Variants in EYA4 observed in about 807,000 individuals in gnomAD.
EYA4 encodes the protein protein phosphatase EYA4.
A neutral mutation model predicts 87.9 loss-of-function variants in EYA4; 31 were observed. The ratio of observed to expected loss-of-function variants is 0.35; its 90% CI spans 0.27 to 0.48. EYA4 has a LOEUF of 0.48. Ranked by LOEUF, EYA4 falls within the 20% of genes least tolerant of loss-of-function variation. EYA4 has a pLI of 0.99. For synonymous variants in EYA4, 263 were observed against 270.6 expected (o/e 0.97, Z 0.28); for missense variants, 678 against 761.4 (o/e 0.89, Z 1.29).
rs370851229 is a variant in EYA4, at chr6:133,456,665, G to A, written c.370+17G>A. The A allele has an allele frequency of 7.5e-5, 114 of 1,524,090 alleles. No individual in the cohort carries two copies. The highest frequency in any genetic ancestry group is 9.4e-5 in the Non-Finnish European group (103 of 1,098,140). 94.4% of individuals were successfully genotyped at this position (1,524,090 alleles called of 1,614,324 possible). On this transcript the variant is annotated intron_variant, in intron 6 of 19. Transcript: ENST00000355286. ...CTGGGTCAGGTAAAGCCTTTAGCTC[G>A]TGTGTCCTTACGTACACATGGGGGT...
intron 1 of EYA4, among the ~76,000 whole-genome samples, chr6:133,256,097 T>G (rs775946556): frequency 3.3e-5 from 5 of 151,718 alleles, no homozygotes; most frequent in Admixed American, 2.0e-4. Flanking sequence ...TGTGCTCTGG[T>G]TAAGAAAAAT....
In EYA4 at chr6:133,266,281, C is replaced by T. The variant is rs148421194; in HGVS notation, c.-65-8435C>T. 6.4e-4 allele frequency among the ~76,000 whole-genome samples: 97 copies of T among 152,198 alleles called. 2 individuals carry two copies. In the East Asian group the frequency reaches 0.012, roughly 19 times the overall value. ...AAAGAATGCCATGTAACGTTAGGCA[C>T]GGAGAACATCATGTGACAATGAAGG... On this transcript the variant is annotated intron_variant, in intron 1 of 19. Transcript: ENST00000355286.
chr6:133,297,921 A>G (rs1167424217), intron 2 of EYA4, among the ~76,000 whole-genome samples: 1 of 152,200 alleles, frequency 6.6e-6, no homozygotes, highest in African/African-American at 2.4e-5. Context: ...CCATTCACTC[A>G]GTGGTTTTAG....
At chr6:133,291,791 T>G (rs931509834) in intron 2 of EYA4, among the ~76,000 whole-genome samples, 1 of 152,170 alleles carries the variant, frequency 6.6e-6, no homozygotes, top group African/African-American at 2.4e-5. Context: ...ACTGACTGCT[T>G]CCCCTTTCTT....
chr6:133,506,549 A>G (rs1031938153), intron 14 of EYA4, among the ~76,000 whole-genome samples: 8 of 152,198 alleles, frequency 5.3e-5, no homozygotes, highest in African/African-American at 1.7e-4. Flanking sequence ...ATATTCACAG[A>G]CACTATTCAT....
At chr6:133,294,354 G>T (rs5025270) in intron 2 of EYA4, among the ~76,000 whole-genome samples, 23,517 of 144,420 alleles carry the variant, frequency 0.16, 1,946 homozygotes, top group Non-Finnish European at 0.18. Flanking sequence ...TTTTTTTTTT[G>T]TTTTGTTTTT....
chr6:133,308,703 G>C (rs779786828), intron 2 of EYA4, among the ~76,000 whole-genome samples: 2 of 152,140 alleles, frequency 1.3e-5, no homozygotes, highest in Non-Finnish European at 2.9e-5. Flanking sequence ...TTAGGATTAT[G>C]GCCTCCAGCC....
At chr6:133,505,620 C>T (rs1798532707) in intron 13 of EYA4, among the ~76,000 whole-genome samples, 3 of 152,138 alleles carry the variant, frequency 2.0e-5, no homozygotes, top group South Asian at 2.1e-4. Flanking sequence ...CCTGTTTCAC[C>T]TCCAGATAAC....
At chr6:133,422,891 G>A (rs1790337814) in intron 3 of EYA4, among the ~76,000 whole-genome samples, 1 of 152,150 alleles carries the variant, frequency 6.6e-6, no homozygotes, top group Admixed American at 6.5e-5. Context: ...CCTGCTGAGT[G>A]TATGCAGCTT....
rs1377110035 is a variant in EYA4, at chr6:133,493,013, A to G, written c.1191+9898A>G. ...GACTAGAAGAATCAATATTGTTAAA[A>G]TGTCCGTTTTACCTGAAGCAATCTA... On this transcript the variant is annotated intron_variant, in intron 13 of 19. Transcript: ENST00000355286. Among the ~76,000 whole-genome samples the G allele has an allele frequency of 2.6e-5, 4 of 152,200 alleles. No individual in the cohort carries two copies. The East Asian group carries it at 5.8e-4, about 22-fold the overall frequency.
chr6:133,367,228 T>C (rs1241550806), intron 2 of EYA4, among the ~76,000 whole-genome samples: 1 of 152,072 alleles, frequency 6.6e-6, no homozygotes, highest in African/African-American at 2.4e-5. Flanking sequence ...ATCTCAGACT[T>C]TTTGTGATTC....
At chr6:133,287,889 C>A (rs1778190306) in intron 2 of EYA4, among the ~76,000 whole-genome samples, 1 of 152,050 alleles carries the variant, frequency 6.6e-6, no homozygotes, top group Admixed American at 6.6e-5. Context: ...AATCCCAGCA[C>A]TTTGGGAGGC....
intron 3 of EYA4, among the ~76,000 whole-genome samples, chr6:133,419,115 A>G (rs1424152949): frequency 6.6e-6 from 1 of 152,102 alleles, no homozygotes; most frequent in Admixed American, 6.5e-5. Flanking sequence ...TTTTGTTTCG[A>G]TAGGTATAGG....
At chr6:133,451,955 AT>A (rs1323768797) in intron 5 of EYA4, among the ~76,000 whole-genome samples, 5 of 134,538 alleles carry the variant, frequency 3.7e-5, no homozygotes, top group Non-Finnish European at 5.0e-5. Context: ...TCTTTTGTAG[AT>A]TTTTTTTTAG....
intron 3 of EYA4, among the ~76,000 whole-genome samples, chr6:133,403,055 A>G (rs1220473954): frequency 1.3e-5 from 2 of 152,154 alleles, no homozygotes; most frequent in Non-Finnish European, 2.9e-5. Context: ...AATTAGCTAT[A>G]ACTAAAACAC....
Position 133,529,987 on chromosome 6 carries a change from G to T in EYA4, c.*1182G>T. The T allele has an allele frequency of 1.0e-6, 1 of 985,392 alleles. No individual in the cohort carries two copies. Among genetic ancestry groups the T allele is most frequent in the African/African-American group, 1.7e-5 (1 of 57,344 alleles). 61.0% of individuals were successfully genotyped at this position (985,392 alleles called of 1,614,324 possible). A position where few individuals can be genotyped will look rare whatever the true frequency, so the allele number is the denominator to read the frequency against. ...ACATGGCATAAAATTCACATTGAGT[G>T]CACAGGGCTTAAAATAAAGCTAAGT... On this transcript the variant is annotated 3_prime_UTR_variant, in exon 20 of 20. Coordinates refer to ENST00000355286, the MANE Select transcript of EYA4 (RefSeq NM_004100.5).
At chr6:133,437,939 A>G (rs905767688) in intron 3 of EYA4, among the ~76,000 whole-genome samples, 1 of 152,212 alleles carries the variant, frequency 6.6e-6, no homozygotes, top group African/African-American at 2.4e-5. Context: ...GGGGACACAA[A>G]GCCTAAACCA....
intron 19 of EYA4, among the ~76,000 whole-genome samples, chr6:133,527,767 C>T (rs183419854): frequency 4.0e-4 from 61 of 152,172 alleles, no homozygotes; most frequent in Admixed American, 3.0e-3. Context: ...ATATCTTTTG[C>T]ATGTTTTATA....
At chr6:133,296,199 A>T (rs1000883528) in intron 2 of EYA4, among the ~76,000 whole-genome samples, 1 of 152,194 alleles carries the variant, frequency 6.6e-6, no homozygotes, top group African/African-American at 2.4e-5. Flanking sequence ...CATGGAACAG[A>T]AATGAGGCTA....
Sources: allele counts gnomAD v4.1 joint callset (sites outside exome capture counted in the v4.1 genomes callset), GRCh38; gene constraint gnomAD v4.1.1; transcripts MANE v1.5; gene names NCBI Gene and HGNC (gene_info 2026-07-23, HGNC 2026-07-21).